COX10: variants seen among roughly 807,000 people sequenced by gnomAD.
The protein encoded by COX10 is protoheme IX farnesyltransferase, mitochondrial.
COX10 carries 27 observed loss-of-function variants against 37.3 expected under a neutral mutation model. The ratio of observed to expected loss-of-function variants is 0.72; its 90% CI spans 0.53 to 1.00. The LOEUF is 1.00. Ranked by LOEUF, COX10 falls within the 50% of genes least tolerant of loss-of-function variation. COX10 has a pLI of 0.00. For synonymous variants in COX10, 222 were observed against 229.1 expected, an observed-to-expected ratio of 0.97 and a Z score of 0.28; for missense variants, 475 against 563.2, an observed-to-expected ratio of 0.84 and a Z score of 1.59.
chr17:14,101,590 A>C (rs1372797943), intron 3 of COX10, among the ~76,000 whole-genome samples: 1 of 152,124 alleles, frequency 6.6e-6, no homozygotes, highest in African/African-American at 2.4e-5. Context: ...GGCTTGTAGG[A>C]TTATCATCTC....
intron 4 of COX10, among the ~76,000 whole-genome samples, chr17:14,118,650 G>A (rs1916164759): frequency 6.6e-6 from 1 of 152,084 alleles, no homozygotes; most frequent in Non-Finnish European, 1.5e-5. Context: ...CATTTCAGAA[G>A]TACTATAATG....
intron 4 of COX10, among the ~76,000 whole-genome samples, chr17:14,145,965 A>G (rs1023564561): frequency 3.3e-5 from 5 of 152,154 alleles, no homozygotes; most frequent in Admixed American, 2.6e-4. Context: ...TGTTGGTTTT[A>G]TATTACCTCA....
At chr17:14,130,169 A>G (rs951891376) in intron 4 of COX10, among the ~76,000 whole-genome samples, 57 of 152,290 alleles carry the variant, frequency 3.7e-4, no homozygotes, top group African/African-American at 1.3e-3. Flanking sequence ...CTTAGAGGTG[A>G]TTGTATTCTG....
intron 2 of COX10, among the ~76,000 whole-genome samples, chr17:14,076,410 T>C (rs1311425854): frequency 6.6e-6 from 1 of 151,456 alleles, no homozygotes; most frequent in Admixed American, 6.6e-5. Context: ...TTATTGTATT[T>C]GGAATGTTAA....
chr17:14,158,943 A>G (rs1239072895), intron 4 of COX10, among the ~76,000 whole-genome samples: 3 of 152,248 alleles, frequency 2.0e-5, no homozygotes, highest in Non-Finnish European at 4.4e-5. Flanking sequence ...TTACCAAAAA[A>G]GGAGACAAGT....
intron 4 of COX10, among the ~76,000 whole-genome samples, chr17:14,112,499 TA>T (rs1916024962): frequency 6.6e-6 from 1 of 152,194 alleles, no homozygotes; most frequent in African/African-American, 2.4e-5. Flanking sequence ...TTGCTGGAGA[TA>T]AAAAGATTGG....
At chr17:14,195,946 A>T (rs1906354733) in intron 6 of COX10, among the ~76,000 whole-genome samples, 1 of 152,068 alleles carries the variant, frequency 6.6e-6, no homozygotes, top group Non-Finnish European at 1.5e-5. Context: ...ATTATTTGAG[A>T]TGTACTAATG....
chr17:14,133,355 A>G (rs1916507710), intron 4 of COX10, among the ~76,000 whole-genome samples: 1 of 151,644 alleles, frequency 6.6e-6, no homozygotes, highest in South Asian at 2.1e-4. Flanking sequence ...TGGATTTGTA[A>G]AAAGTTCAAA....
intron 4 of COX10, among the ~76,000 whole-genome samples, chr17:14,123,518 G>A (rs1916270554): frequency 1.3e-5 from 2 of 152,136 alleles, no homozygotes; most frequent in Non-Finnish European, 2.9e-5. Context: ...GTAGCCTAGA[G>A]CATGATGGAA....
chr17:14,168,857 T>A (rs1905369646), intron 5 of COX10, among the ~76,000 whole-genome samples: 2 of 152,224 alleles, frequency 1.3e-5, no homozygotes, highest in Admixed American at 1.3e-4. Context: ...GCAGCAAAGA[T>A]CTCTAGAATG....
intron 4 of COX10, among the ~76,000 whole-genome samples, chr17:14,104,453 A>G (rs1235934836): frequency 6.6e-6 from 1 of 152,146 alleles, no homozygotes; most frequent in African/African-American, 2.4e-5. Flanking sequence ...TTTGGGCAGC[A>G]TATAAATAAA....
At position 14,076,737 on chromosome 17, in the gene COX10, T is replaced by C; in HGVS notation, c.180T>C (p.Tyr60=). The change falls in exon 3 of 7, where the codon TAT becomes TAC. Residue 60 remains tyrosine (Y), a splice_region_variant and synonymous_variant. Transcript: ENST00000261643. ...GTAATGTGTGCTTTTTTGTTTAGTATGTCACACAGCTGAACAGAAGCCACA... is the reference window on the plus strand; with the variant it reads ...GTAATGTGTGCTTTTTTGTTTAGTACGTCACACAGCTGAACAGAAGCCACA... ...FQHFSFLKRM[Y]VTQLNRSHNQ... The C allele has an allele frequency of 6.2e-7, 1 of 1,614,158 alleles. No individual in the cohort carries two copies. The highest frequency in any genetic ancestry group is 8.5e-7 in the Non-Finnish European group (1 of 1,180,014).
At chr17:14,179,844 G>A in intron 5 of COX10, among the ~76,000 whole-genome samples, 1 of 151,488 alleles carries the variant, frequency 6.6e-6, no homozygotes, top group Non-Finnish European at 1.5e-5. Context: ...CTGTAAGCAG[G>A]AGAGATTGCA....
At chr17:14,178,290 A>G (rs76324024) in intron 5 of COX10, among the ~76,000 whole-genome samples, 10,732 of 76,914 alleles carry the variant, frequency 0.14, 135 homozygotes, top group African/African-American at 0.31. Context: ...GATAAAACCA[A>G]GTGTTTTGCC....
intron 4 of COX10, among the ~76,000 whole-genome samples, chr17:14,126,304 A>G (rs551030229): frequency 6.6e-6 from 1 of 152,318 alleles, no homozygotes; most frequent in African/African-American, 2.4e-5. Context: ...TAGCCAATCC[A>G]TTGAATAAAA....
At chr17:14,182,024 A>G (rs1265353622) in intron 5 of COX10, 7 of 981,592 alleles carry the variant, frequency 7.1e-6, no homozygotes, top group Admixed American at 1.2e-4. Flanking sequence ...TTTACAGGCA[A>G]TCTTTCTTCT....
chr17:14,174,899 C>A (rs1194789251), intron 5 of COX10, among the ~76,000 whole-genome samples: 4 of 150,390 alleles, frequency 2.7e-5, no homozygotes, highest in South Asian at 2.1e-4. Context: ...GGCTGAAATA[C>A]TACTCAGAAA....
At chr17:14,175,927 G>A (rs1428231274) in intron 5 of COX10, among the ~76,000 whole-genome samples, 1 of 151,936 alleles carries the variant, frequency 6.6e-6, no homozygotes, top group Non-Finnish European at 1.5e-5. Context: ...CAAGGGGCAG[G>A]GTGGCACAAG....
intron 5 of COX10, among the ~76,000 whole-genome samples, chr17:14,174,493 A>C (rs1164312108): frequency 1.3e-5 from 2 of 152,082 alleles, no homozygotes; most frequent in East Asian, 3.9e-4. Flanking sequence ...AAAGATTTAA[A>C]TAGGCCCTAC....
Sources: allele counts gnomAD v4.1 joint callset (sites outside exome capture counted in the v4.1 genomes callset), GRCh38; gene constraint gnomAD v4.1.1; transcripts MANE v1.5; gene names NCBI Gene and HGNC (gene_info 2026-07-23, HGNC 2026-07-21).